CSMD1: variants seen among roughly 807,000 people sequenced by gnomAD.
CSMD1 encodes the protein CUB and sushi domain-containing protein 1.
CSMD1 carries 213 observed loss-of-function variants against 417.5 expected under a neutral mutation model. That is an observed-to-expected ratio of 0.51 (90% CI 0.46 to 0.57). The LOEUF (loss-of-function observed/expected upper bound fraction) is 0.57, where lower values mean the gene tolerates loss of function less well. Among genes scored for constraint, CSMD1 ranks in the 20% least tolerant of loss-of-function variants. CSMD1 has a pLI of 0.00. For synonymous variants in CSMD1, 2,862 were observed against 1,736.8 expected, an observed-to-expected ratio of 1.65 and a Z score of -16.11; for missense variants, 6,923 against 4,529.7, an observed-to-expected ratio of 1.53 and a Z score of -15.17.
At chr8:3,653,777 C>G (rs1197485304) in intron 7 of CSMD1, among the ~76,000 whole-genome samples, 1 of 152,204 alleles carries the variant, frequency 6.6e-6, no homozygotes, top group African/African-American at 2.4e-5. Context: ...CCCAAAATGA[C>G]ATATCCCTAA....
Position 3,524,263 on chromosome 8 carries a change from GCA to G in CSMD1, c.1345-30539_1345-30538del, listed in dbSNP as rs368229772. ...TACACACCCAGAGACATACACACAA[GCA>G]CACACACACGCACATATACATGCAC... On this transcript the variant is annotated intron_variant, in intron 10 of 69. Transcript: ENST00000635120. Among the ~76,000 whole-genome samples the G allele has an allele frequency of 5.3e-3, 715 of 135,588 alleles. 4 individuals carry two copies. Among genetic ancestry groups the G allele is most frequent in the African/African-American group, 0.017 (630 of 36,312 alleles). The allele number at this position is 135,588 out of a possible 152,430, so 89.0% of individuals were successfully genotyped here.
At chr8:4,234,661 C>T (rs1325507428) in intron 3 of CSMD1, among the ~76,000 whole-genome samples, 1 of 152,126 alleles carries the variant, frequency 6.6e-6, no homozygotes, top group Non-Finnish European at 1.5e-5. Flanking sequence ...GAATAGATGG[C>T]AGGTGCTAAA....
chr8:4,744,588 T>C (rs906868212), intron 1 of CSMD1, among the ~76,000 whole-genome samples: 2 of 152,240 alleles, frequency 1.3e-5, no homozygotes, highest in African/African-American at 4.8e-5. Flanking sequence ...ATAATATCTT[T>C]GGTTCGTGGT....
intron 1 of CSMD1, among the ~76,000 whole-genome samples, chr8:4,763,341 C>G (rs746283292): frequency 1.3e-5 from 2 of 152,162 alleles, no homozygotes; most frequent in Non-Finnish European, 2.9e-5. Flanking sequence ...ATTATCACAG[C>G]AAGATTTCCT....
chr8:3,284,362 C>G lies in CSMD1; in HGVS notation c.3951-16G>C. The G allele has an allele frequency of 1.3e-6, 2 of 1,598,934 alleles. No homozygotes were observed. The highest frequency in any genetic ancestry group is 1.7e-6 in the Non-Finnish European group (2 of 1,167,610). ...GAAATGGAGGCTGCAAGAGAGAACA[C>G]AGTAGCGCTACTTGCCGTGCATCGA... On this transcript the variant is annotated splice_polypyrimidine_tract_variant and intron_variant, in intron 25 of 69. Transcript: ENST00000635120.
intron 36 of CSMD1, among the ~76,000 whole-genome samples, chr8:3,185,176 G>T (rs1821669623): frequency 6.6e-6 from 1 of 152,216 alleles, no homozygotes; most frequent in African/African-American, 2.4e-5. Context: ...GGGGAGTCCT[G>T]TGGAGAAGCA....
At chr8:3,209,304 T>C (rs1453925739) in intron 30 of CSMD1, among the ~76,000 whole-genome samples, 3 of 151,604 alleles carry the variant, frequency 2.0e-5, no homozygotes, top group African/African-American at 7.3e-5. Context: ...TATTTATTTA[T>C]TTATTTATTT....
intron 35 of CSMD1, among the ~76,000 whole-genome samples, chr8:3,188,430 C>A (rs1796217074): frequency 6.6e-6 from 1 of 150,438 alleles, no homozygotes; most frequent in Admixed American, 6.7e-5. Flanking sequence ...CCTCAGCCTC[C>A]CTAGCAGCTA....
At chr8:4,161,506 T>A (rs544942610) in intron 3 of CSMD1, among the ~76,000 whole-genome samples, 35 of 152,320 alleles carry the variant, frequency 2.3e-4, no homozygotes, top group Middle Eastern at 6.8e-3. Context: ...GAAAAAGGAC[T>A]GAACCCAAGC....
At chr8:4,608,208 G>C (rs543751908) in intron 2 of CSMD1, among the ~76,000 whole-genome samples, 4 of 152,254 alleles carry the variant, frequency 2.6e-5, no homozygotes, top group African/African-American at 9.6e-5. Flanking sequence ...ACTCCAAAGG[G>C]GTGGAAATCC....
intron 10 of CSMD1, among the ~76,000 whole-genome samples, chr8:3,564,830 G>C (rs1799630094): frequency 6.6e-6 from 1 of 151,854 alleles, no homozygotes; most frequent in South Asian, 2.1e-4. Context: ...ACCAAACTCA[G>C]TTTATGAAAA....
At chr8:4,036,363 T>A (rs1294802595) in intron 3 of CSMD1, among the ~76,000 whole-genome samples, 5 of 152,268 alleles carry the variant, frequency 3.3e-5, no homozygotes, top group African/African-American at 1.2e-4. Context: ...ATTGTTACCA[T>A]GGTACTGCGC....
chr8:3,477,273 T>C (rs1042394816), intron 11 of CSMD1, among the ~76,000 whole-genome samples: 1 of 152,160 alleles, frequency 6.6e-6, no homozygotes, highest in African/African-American at 2.4e-5. Flanking sequence ...TGCTAAACCT[T>C]TAATATACTC....
At chr8:2,996,992 G>A (rs965664809) in intron 54 of CSMD1, among the ~76,000 whole-genome samples, 6 of 152,216 alleles carry the variant, frequency 3.9e-5, no homozygotes, top group African/African-American at 1.4e-4. Context: ...CAATGTCCCT[G>A]GGCTTCTTAA....
intron 2 of CSMD1, among the ~76,000 whole-genome samples, chr8:4,571,029 CTCT>C (rs903478385): frequency 1.4e-4 from 22 of 152,018 alleles, no homozygotes; most frequent in Admixed American, 9.2e-4. Context: ...TGATTCTTCT[CTCT>C]TCTTCTTCTT....
chr8:4,572,580 C>A (rs2693797), intron 2 of CSMD1, among the ~76,000 whole-genome samples: 61,323 of 151,716 alleles, frequency 0.4, 13,052 homozygotes, highest in East Asian at 0.54. Flanking sequence ...TTGGTGAATG[C>A]GATGATTATG....
At chr8:3,921,577 T>C (rs968940294) in intron 5 of CSMD1, among the ~76,000 whole-genome samples, 1 of 152,084 alleles carries the variant, frequency 6.6e-6, no homozygotes, top group Admixed American at 6.6e-5. Context: ...TCTATTTTGG[T>C]GTGCTTGGTT....
rs141195218 is a variant in CSMD1, at chr8:3,398,922, G to C, written c.2405+469C>G. On this transcript the variant is annotated intron_variant, in intron 16 of 69. Coordinates refer to ENST00000635120, the MANE Select transcript of CSMD1 (RefSeq NM_033225.6). The stretch of plus-strand genomic sequence containing the variant: ...TGATAATGTCACTCATAGGCGATTA[G>C]TTGGTGATTGATCTGCTGTCCGCAC... 4.0e-3 allele frequency among the ~76,000 whole-genome samples: 602 copies of C among 152,302 alleles called. 3 individuals are homozygous for C. Among genetic ancestry groups the C allele is most frequent in the African/African-American group, 0.014 (585 of 41,550 alleles).
intron 4 of CSMD1, among the ~76,000 whole-genome samples, chr8:4,005,210 G>A (rs917010163): frequency 6.6e-6 from 1 of 152,078 alleles, no homozygotes; most frequent in African/African-American, 2.4e-5. Flanking sequence ...GGTGGTGGGT[G>A]CACCATCTCA....
Sources: gnomAD v4.1 joint callset for allele counts (sites outside exome capture counted in the v4.1 genomes callset) on GRCh38, gnomAD v4.1.1 for gene constraint, MANE v1.5 for transcripts, NCBI Gene and HGNC (gene_info 2026-07-23, HGNC 2026-07-21) for gene names.